Variants in TMED4 observed in about 807,000 individuals in gnomAD.
TMED4 encodes transmembrane emp24 domain-containing protein 4.
In TMED4, 19 loss-of-function variants were observed where a neutral mutation model predicts 26.5. That is an observed-to-expected ratio of 0.72 (90% confidence interval 0.50 to 1.05). TMED4 has a LOEUF of 1.05. TMED4 is among the 50% of genes least tolerant of loss of function. The pLI is 0.00. For synonymous variants in TMED4, 121 were observed against 119.8 expected (o/e 1.01, Z -0.07); for missense variants, 303 against 302.5 (o/e 1.00, Z -0.01).
rs528076207 is a variant in TMED4, at chr7:44,579,632, T to G, written c.535-4A>C. 5 of 1,612,970 alleles carry G rather than the reference T, an allele frequency of 3.1e-6. No homozygotes were observed. Among genetic ancestry groups the G allele is most frequent in the Non-Finnish European group, 4.2e-6 (5 of 1,179,082 alleles). On this transcript the variant is annotated splice_region_variant and splice_polypyrimidine_tract_variant and intron_variant, in intron 4 of 4. Transcript: ENST00000457408. ...GTCGGAAGCGCTCTTCACGATACTG[T>G]GTGGGGCAACACAGGGTTAAGTGAG...
intron 4 of TMED4, 174 bp downstream of exon 4, chr7:44,580,919 G>T: frequency 1.4e-6 from 1 of 700,474 alleles, no homozygotes; most frequent in Non-Finnish European, 2.3e-6. Flanking sequence ...TTGCACTCCA[G>T]CATGGGCAAC....
chr7:44,581,142 T>C lies in TMED4; in HGVS notation c.485A>G (p.Gln162Arg). 1 of 1,614,116 alleles carries C rather than the reference T, an allele frequency of 6.2e-7. No individual in the cohort carries two copies. Among genetic ancestry groups the C allele is most frequent in the Non-Finnish European group, 8.5e-7 (1 of 1,180,024 alleles). The change falls in exon 4 of 5, where the codon CAG becomes CGG. Residue 162 changes from glutamine to arginine, a missense_variant. Physicochemically the swap from Gln to Arg is conservative, Grantham distance 43 (BLOSUM62 1). Transcript: ENST00000457408. The stretch of plus-strand genomic sequence containing the variant: ...AATCTGTTCCACCTGATCAAGCAAC[T>C]GGCGGGCGCGGAGCTGTAGCTCCGT... ...KLTELQLRARQLLDQVEQIQK... is the reference protein window; with the variant it reads ...KLTELQLRARRLLDQVEQIQK...
At position 44,582,228 on chromosome 7, in the gene TMED4, C is replaced by T. The variant is rs1803033474; in HGVS notation, c.-22G>A. On this transcript the variant is annotated 5_prime_UTR_variant, in exon 1 of 5. Coordinates refer to ENST00000457408, the MANE Select transcript of TMED4 (RefSeq NM_182547.4). Reference sequence around the variant, plus strand: ...CCATCGCGCCTCAGCCCCTAAGCGCCTGCGCACATTTGCGCATCGCTCTGC... The same window carrying T: ...CCATCGCGCCTCAGCCCCTAAGCGCTTGCGCACATTTGCGCATCGCTCTGC... 1 of 1,529,960 alleles carries T rather than the reference C, an allele frequency of 6.5e-7. No individual in the cohort carries two copies. Among genetic ancestry groups the T allele is most frequent in the South Asian group, 1.2e-5 (1 of 83,512 alleles). The allele number at this position is 1,529,960 out of a possible 1,614,324, so 94.8% of individuals were successfully genotyped here. A position where few individuals can be genotyped will look rare whatever the true frequency, so the allele number is the denominator to read the frequency against.
chr7:44,582,159 G>GGACTGCCGCCCCATC lies in TMED4; in HGVS notation c.47_48insGATGGGGCGGCAGTC (p.Ala16_Leu17insMetGlyArgGlnSer). 6.5e-7 allele frequency: 1 copy of GGACTGCCGCCCCATC among 1,549,506 alleles called. No homozygotes were observed. Among genetic ancestry groups the GGACTGCCGCCCCATC allele is most frequent in the Non-Finnish European group, 8.7e-7 (1 of 1,146,512 alleles). Reference sequence around the variant, plus strand: ...TGGCGCACAGCGCGAGAAGCAGCAGGGCCTGCCGCCCCATCGCCCGCAGAG... The same window carrying GGACTGCCGCCCCATC: ...TGGCGCACAGCGCGAGAAGCAGCAGGGACTGCCGCCCCATCGCCTGCCGCCCCATCGCCCGCAGAG... On this transcript the variant is annotated inframe_insertion, in exon 1 of 5. Transcript: ENST00000457408.
At chr7:44,581,865 G>A in intron 1 of TMED4, 42 bp from the exon 2 acceptor site, 6 of 1,603,446 alleles carry the variant, frequency 3.7e-6, no homozygotes, top group Non-Finnish European at 5.1e-6. Context: ...CTAGTGGGCC[G>A]CCTCTCCGCC....
chr7:44,578,622 T>C lies in TMED4; in HGVS notation c.*857A>G, dbSNP rs769280173. ...ACCAAAAATATGTGAATAAACTGAA[T>C]GCAGAGGCTGAGGCAGGTGGATCAA... On this transcript the variant is annotated 3_prime_UTR_variant, in exon 5 of 5. Transcript: ENST00000457408. 1 of 152,110 alleles carries C rather than the reference T, an allele frequency of 6.6e-6. No individual in the cohort carries two copies. Among genetic ancestry groups the C allele is most frequent in the Non-Finnish European group, 1.5e-5 (1 of 68,030 alleles). 9.4% of individuals were successfully genotyped at this position (152,110 alleles called of 1,614,324 possible).
In TMED4 at chr7:44,577,898, G is replaced by C. The variant is rs971303127; in HGVS notation, c.*1581C>G. The stretch of plus-strand genomic sequence containing the variant: ...GAAATAACAAAAGGAGAAGAATTTA[G>C]TTCTGTAGGTCAGATAATTTAATAA... On this transcript the variant is annotated 3_prime_UTR_variant, in exon 5 of 5. Transcript: ENST00000457408. 9 of 151,690 alleles carry C rather than the reference G, an allele frequency of 5.9e-5. No individual in the cohort carries two copies. The highest frequency in any genetic ancestry group is 1.9e-4 in the African/African-American group (8 of 41,340). The allele number at this position is 151,690 out of a possible 1,614,324, so 9.4% of individuals were successfully genotyped here. A position where few individuals can be genotyped will look rare whatever the true frequency, so the allele number is the denominator to read the frequency against.
Position 44,582,219 on chromosome 7 carries a change from C to G in TMED4, c.-13G>C. 1.3e-6 allele frequency: 2 copies of G among 1,534,538 alleles called. No homozygotes were observed. The highest frequency in any genetic ancestry group is 1.2e-5 in the South Asian group (1 of 83,686). Reference sequence around the variant, plus strand: ...CGACACCTGCCATCGCGCCTCAGCCCCTAAGCGCCTGCGCACATTTGCGCA... The same window carrying G: ...CGACACCTGCCATCGCGCCTCAGCCGCTAAGCGCCTGCGCACATTTGCGCA... On this transcript the variant is annotated 5_prime_UTR_variant, in exon 1 of 5. Transcript: ENST00000457408.
chr7:44,580,837 C>T (rs377084675), intron 4 of TMED4: 1 of 377,556 alleles, frequency 2.6e-6, no homozygotes, highest in South Asian at 2.7e-5. Context: ...ATCCCAGCTA[C>T]TCAGGAGGCT....
Position 44,582,102 on chromosome 7 carries a change from G to A in TMED4, c.105C>T (p.Gly35=). The A allele has an allele frequency of 1.4e-5, 22 of 1,562,874 alleles. No individual in the cohort carries two copies. The highest frequency in any genetic ancestry group is 1.9e-5 in the Non-Finnish European group (22 of 1,153,874). Residue 35 remains glycine (G), a synonymous_variant, in exon 1 of 5, where the codon GGC becomes GGT. Coordinates refer to ENST00000457408, the MANE Select transcript of TMED4 (RefSeq NM_182547.4). ...CGATGAAACAGCGCTTCTCGGTCTCGCCGATGTGGAAGTAGAGCCCCTGGG... is the reference window on the plus strand; with the variant it reads ...CGATGAAACAGCGCTTCTCGGTCTCACCGATGTGGAAGTAGAGCCCCTGGG... ...TGAQGLYFHI[G]ETEKRCFIEE...
In TMED4 at chr7:44,577,953, GAAAT is replaced by G. The variant is rs910608547; in HGVS notation, c.*1522_*1525del. ...TTCAAATAAATATATAATAAAAACT[GAAAT>G]AAAATGTCAAGAATGGGGAACTAAT... On this transcript the variant is annotated 3_prime_UTR_variant, in exon 5 of 5. Coordinates refer to ENST00000457408, the MANE Select transcript of TMED4 (RefSeq NM_182547.4). 1.2e-4 allele frequency: 18 copies of G among 151,990 alleles called. No homozygotes were observed. The highest frequency in any genetic ancestry group is 3.6e-4 in the African/African-American group (15 of 41,392). The allele number at this position is 151,990 out of a possible 1,614,324, so 9.4% of individuals were successfully genotyped here.
chr7:44,582,025 C>T lies in TMED4; in HGVS notation c.160+22G>A, dbSNP rs1375779911. On this transcript the variant is annotated intron_variant, in intron 1 of 4. Coordinates refer to ENST00000457408, the MANE Select transcript of TMED4 (RefSeq NM_182547.4). ...GGGCTGAGCTGGGTACAAAGGGCCT[C>T]CCCACCCTCAGCCCGCCTGACCGAT... 3.2e-6 allele frequency: 5 copies of T among 1,545,418 alleles called. No individual in the cohort carries two copies. In the African/African-American group the frequency reaches 4.1e-5, roughly 13 times the overall value.
intron 4 of TMED4, 130 bp from the exon 5 acceptor site, chr7:44,579,758 A>G: frequency 1.1e-6 from 1 of 951,894 alleles, no homozygotes; most frequent in Non-Finnish European, 1.5e-6. Context: ...CTCCATTAGG[A>G]GTGCTATGGT....
intron 2 of TMED4, 59 bp downstream of exon 2, chr7:44,581,664 C>A: frequency 6.2e-7 from 1 of 1,613,748 alleles, no homozygotes; most frequent in Non-Finnish European, 8.5e-7. Flanking sequence ...CCAGGCAGTG[C>A]TTTACACCCC....
rs1802899561 is a variant in TMED4, at chr7:44,579,042, T to TA, written c.*436dup. On this transcript the variant is annotated 3_prime_UTR_variant, in exon 5 of 5. Transcript: ENST00000457408. ...TCCTCTAGGGCCAAGACCTGCCCCT[T>TA]ATTTACATTCACAAAGCCATTAAGT... The TA allele has an allele frequency of 6.5e-6, 1 of 153,388 alleles. No homozygotes were observed. The highest frequency in any genetic ancestry group is 2.0e-4 in the South Asian group (1 of 4,938). 9.5% of individuals were successfully genotyped at this position (153,388 alleles called of 1,614,324 possible). A position where few individuals can be genotyped will look rare whatever the true frequency, so the allele number is the denominator to read the frequency against.
rs995456003 is a variant in TMED4 at position 44,581,928 on chromosome 7, C to A, written c.161-105G>T. The A allele has an allele frequency of 5.8e-6, 9 of 1,563,278 alleles. No homozygotes were observed. The African/African-American group carries it at 1.2e-4, about 21-fold the overall frequency. On this transcript the variant is annotated intron_variant, in intron 1 of 4. Coordinates refer to ENST00000457408, the MANE Select transcript of TMED4 (RefSeq NM_182547.4). ...CTCTAGGCAGGGGGCCTGGCGTCCT[C>A]GGGGCACCCTCAGGCTAGGTACTGG...
Position 44,578,721 on chromosome 7 carries a change from C to T in TMED4, c.*758G>A, listed in dbSNP as rs1198794329. The T allele has an allele frequency of 6.6e-6, 1 of 152,040 alleles. No individual in the cohort carries two copies. Among genetic ancestry groups the T allele is most frequent in the Non-Finnish European group, 1.5e-5 (1 of 68,032 alleles). 9.4% of individuals were successfully genotyped at this position (152,040 alleles called of 1,614,324 possible). A position where few individuals can be genotyped will look rare whatever the true frequency, so the allele number is the denominator to read the frequency against. On this transcript the variant is annotated 3_prime_UTR_variant, in exon 5 of 5. Coordinates refer to ENST00000457408, the MANE Select transcript of TMED4 (RefSeq NM_182547.4). ...TCTCTACTAAAAATACAAAAATTAG[C>T]TGAGCGTGGTGGCGGGCACCTGTAA...
Position 44,581,045 on chromosome 7 carries a change from G to A in TMED4, c.534+48C>T, listed in dbSNP as rs1802969447. ...GCAGAAACTTGAGTAGGTATAGTGG[G>A]TATAAAGGTCAACTGCCCTCTCAAA... On this transcript the variant is annotated intron_variant, in intron 4 of 4. Transcript: ENST00000457408. 3 of 1,606,680 alleles carry A rather than the reference G, an allele frequency of 1.9e-6. No homozygotes were observed. In the East Asian group the frequency reaches 6.7e-5, roughly 36 times the overall value.
At chr7:44,581,850 C>A (rs1255634398) in intron 1 of TMED4, 27 bp from the exon 2 acceptor site, 3 of 1,611,516 alleles carry the variant, frequency 1.9e-6, no homozygotes, top group South Asian at 2.2e-5. Context: ...TAGTCACGAC[C>A]GGCCCTAGTG....
Sources: allele counts gnomAD v4.1 joint callset, GRCh38; gene constraint gnomAD v4.1.1; transcripts MANE v1.5; gene names NCBI Gene and HGNC (gene_info 2026-07-23, HGNC 2026-07-21).